The following CUX1 variants were observed in gnomAD, a reference collection of about 807,000 sequenced individuals.
CUX1 encodes the protein protein CASP.
CUX1 carries 31 observed loss-of-function variants against 158.8 expected under a neutral mutation model. That is an observed-to-expected ratio of 0.20 (90% CI 0.15 to 0.26). CUX1 has a LOEUF of 0.26. Ranked by LOEUF, CUX1 falls within the 10% of genes least tolerant of loss-of-function variation. The pLI is 1.00. For synonymous variants in CUX1, 879 were observed against 862.1 expected, an observed-to-expected ratio of 1.02 and a Z score of -0.34; for missense variants, 1,589 against 2,014.6, an observed-to-expected ratio of 0.79 and a Z score of 4.04.
intron 2 of CUX1, among the ~76,000 whole-genome samples, chr7:101,977,289 C>T (rs557949620): frequency 2.0e-5 from 3 of 152,154 alleles, no homozygotes; most frequent in African/African-American, 4.8e-5. Flanking sequence ...TTCCTTCCAG[C>T]CCTTACTTAA....
At chr7:102,112,500 C>G (rs1831030900) in intron 7 of CUX1, among the ~76,000 whole-genome samples, 1 of 152,096 alleles carries the variant, frequency 6.6e-6, no homozygotes, top group Non-Finnish European at 1.5e-5. Context: ...CTCAGGCTCC[C>G]AAAGTGCTGG....
intron 3 of CUX1, among the ~76,000 whole-genome samples, chr7:102,028,727 C>T (rs1305924402): frequency 6.6e-6 from 1 of 152,222 alleles, no homozygotes; most frequent in Non-Finnish European, 1.5e-5. Flanking sequence ...GACATCCGCC[C>T]TGGCTACCTG....
chr7:102,279,255 C>T (rs1202749651), intron 18 of CUX1, among the ~76,000 whole-genome samples: 1 of 152,160 alleles, frequency 6.6e-6, no homozygotes, highest in Non-Finnish European at 1.5e-5. Flanking sequence ...GCAGGAGAAT[C>T]GCTTGAACCT....
intron 8 of CUX1, among the ~76,000 whole-genome samples, chr7:102,132,869 C>G (rs1265217689): frequency 4.0e-5 from 6 of 151,890 alleles, no homozygotes; most frequent in African/African-American, 1.5e-4. Flanking sequence ...ACAGGGTTCA[C>G]CATGTTGGCC....
chr7:102,280,655 A>T (rs1418136005), intron 19 of CUX1: 3 of 675,232 alleles, frequency 4.4e-6, no homozygotes, highest in Non-Finnish European at 7.7e-6. Context: ...GCACCCAGGG[A>T]AGCCCCTGGC....
At chr7:101,959,449 G>C (rs1439623382) in intron 2 of CUX1, 2 of 151,814 alleles carry the variant, frequency 1.3e-5, no homozygotes, top group Non-Finnish European at 2.9e-5. Flanking sequence ...TGCTTTTCTC[G>C]TCATTATATG....
chr7:101,889,031 T>C (rs1800559406), intron 1 of CUX1, among the ~76,000 whole-genome samples: 1 of 151,868 alleles, frequency 6.6e-6, no homozygotes, highest in Admixed American at 6.6e-5. Flanking sequence ...TTTGGGAAGC[T>C]GAGGCAGGAG....
At chr7:102,162,821 G>T (rs558289335) in intron 9 of CUX1, among the ~76,000 whole-genome samples, 2 of 152,238 alleles carry the variant, frequency 1.3e-5, no homozygotes, top group Admixed American at 1.3e-4. Context: ...CAGCCAGGAA[G>T]CTTATTCCCA....
chr7:102,001,590 G>A (rs538414547), intron 2 of CUX1, among the ~76,000 whole-genome samples: 2 of 152,214 alleles, frequency 1.3e-5, no homozygotes, highest in South Asian at 2.1e-4. Flanking sequence ...GTGATCCACC[G>A]CCTCAGCCTC....
At chr7:101,847,597 C>T (rs143575402) in intron 1 of CUX1, among the ~76,000 whole-genome samples, 2 of 152,110 alleles carry the variant, frequency 1.3e-5, no homozygotes, top group African/African-American at 2.4e-5. Context: ...GCCTGATGTA[C>T]TATTCTAAAT....
chr7:101,930,707 AT>A (rs1309124195), intron 2 of CUX1, among the ~76,000 whole-genome samples: 1 of 152,194 alleles, frequency 6.6e-6, no homozygotes, highest in Non-Finnish European at 1.5e-5. Flanking sequence ...GGAGTATATA[AT>A]TGGATCTGGA....
chr7:102,149,751 C>G (rs1482738301), intron 8 of CUX1, among the ~76,000 whole-genome samples: 1 of 152,022 alleles, frequency 6.6e-6, no homozygotes, highest in South Asian at 2.1e-4. Context: ...ATAGGTTTGT[C>G]CCCCACCCCT....
At chr7:101,908,768 G>A (rs138013191) in intron 1 of CUX1, among the ~76,000 whole-genome samples, 9 of 152,274 alleles carry the variant, frequency 5.9e-5, no homozygotes, top group East Asian at 1.9e-4. Context: ...GAATGAATTC[G>A]GGTCTGAGGT....
chr7:101,857,889 G>A (rs1010012068), intron 1 of CUX1, among the ~76,000 whole-genome samples: 3 of 152,138 alleles, frequency 2.0e-5, no homozygotes, highest in Admixed American at 6.6e-5. Flanking sequence ...TTGGGAGGCC[G>A]AAGTGGGAGG....
At chr7:101,849,604 A>G (rs975737571) in intron 1 of CUX1, among the ~76,000 whole-genome samples, 11 of 151,980 alleles carry the variant, frequency 7.2e-5, no homozygotes, top group African/African-American at 1.9e-4. Context: ...CATTGATTCT[A>G]TGTCTTTGCT....
At chr7:101,871,154 C>T (rs903332705) in intron 1 of CUX1, among the ~76,000 whole-genome samples, 3 of 152,106 alleles carry the variant, frequency 2.0e-5, no homozygotes, top group Non-Finnish European at 4.4e-5. Flanking sequence ...TCCTAGCATC[C>T]GTGGTTCAGG....
intron 2 of CUX1, among the ~76,000 whole-genome samples, chr7:101,925,275 A>T (rs1805455911): frequency 6.6e-6 from 1 of 152,010 alleles, no homozygotes; most frequent in African/African-American, 2.4e-5. Flanking sequence ...TGCCCAGATA[A>T]TTTTTTTGTA....
intron 23 of CUX1, among the ~76,000 whole-genome samples, chr7:102,246,573 T>C (rs1465386432): frequency 2.3e-5 from 1 of 43,898 alleles, no homozygotes; most frequent in Admixed American, 3.3e-4. Flanking sequence ...AGAAAACCTT[T>C]GTTTTTTTTT....
intron 2 of CUX1, among the ~76,000 whole-genome samples, chr7:102,016,291 A>C (rs988090702): frequency 5.9e-5 from 9 of 152,316 alleles, no homozygotes; most frequent in Non-Finnish European, 1.3e-4. Context: ...GCCCTTCTGC[A>C]GCACCGGCCA....
Sources: allele counts gnomAD v4.1 joint callset (sites outside exome capture counted in the v4.1 genomes callset), GRCh38; gene constraint gnomAD v4.1.1; transcripts MANE v1.5; gene names NCBI Gene and HGNC (gene_info 2026-07-23, HGNC 2026-07-21).